PCGF5: variants seen among roughly 807,000 people sequenced by gnomAD.
PCGF5 encodes the protein polycomb group ring finger 5.
In PCGF5, 9 loss-of-function variants were observed where a neutral mutation model predicts 44.3. The ratio of observed to expected loss-of-function variants is 0.20; its 90% CI spans 0.12 to 0.35. The LOEUF (loss-of-function observed/expected upper bound fraction) is 0.35. Ranked by LOEUF, PCGF5 falls within the 10% of genes least tolerant of loss-of-function variation. PCGF5 has a pLI of 1.00. For synonymous variants in PCGF5, 95 were observed against 102.5 expected (o/e 0.93, Z 0.44); for missense variants, 146 against 305.3 (o/e 0.48, Z 3.89).
At position 91,279,711 on chromosome 10, in the gene PCGF5, A is replaced by C. The variant is rs755927624; in HGVS notation, c.*1395A>C. On this transcript the variant is annotated 3_prime_UTR_variant, in exon 10 of 10. Coordinates refer to ENST00000336126, the MANE Select transcript of PCGF5 (RefSeq NM_032373.5). ...CTTTGAAACTTAGGAAAAAATCTTG[A>C]AAGTTAGGAAAAATATTTGAGAAAT... The C allele has an allele frequency of 6.6e-6, 1 of 152,142 alleles. No homozygotes were observed. The highest frequency in any genetic ancestry group is 1.5e-5 in the Non-Finnish European group (1 of 67,946). The allele number at this position is 152,142 out of a possible 1,614,324, so 9.4% of individuals were successfully genotyped here.
At position 91,261,356 on chromosome 10, in the gene PCGF5, A is replaced by G; in HGVS notation, c.505A>G (p.Thr169Ala). The change falls in exon 7 of 10, where the codon ACA (threonine) becomes GCA (alanine). Residue 169 changes from threonine to alanine, a missense_variant. Around this residue, in one of 3 missense-constraint regions of PCGF5, gnomAD observed 123 missense variants for 268.6 expected, o/e 0.46. Transcript: ENST00000336126. The stretch of plus-strand genomic sequence containing the variant: ...AATGAAGAAATTCATTCGATGTTCT[A>G]CACGTGTAACTGTGGGAACTATTAA... ...GLMKKFIRCS[T>A]RVTVGTIKKF... 1.3e-6 allele frequency: 2 copies of G among 1,507,958 alleles called. No individual in the cohort carries two copies. Among genetic ancestry groups the G allele is most frequent in the Non-Finnish European group, 1.8e-6 (2 of 1,115,902 alleles). The allele number at this position is 1,507,958 out of a possible 1,614,324, so 93.4% of individuals were successfully genotyped here. A position where few individuals can be genotyped will look rare whatever the true frequency, so the allele number is the denominator to read the frequency against.
chr10:91,266,758 C>A (rs1025358022), intron 8 of PCGF5, among the ~76,000 whole-genome samples: 2 of 152,182 alleles, frequency 1.3e-5, no homozygotes, highest in Non-Finnish European at 2.9e-5. Context: ...CTGATGTCAG[C>A]ACTGATTGCT....
chr10:91,186,605 T>C (rs12774655), intron 1 of PCGF5, among the ~76,000 whole-genome samples: 15 of 151,028 alleles, frequency 9.9e-5, no homozygotes, highest in East Asian at 1.9e-4. Context: ...TGTGTATATA[T>C]ACACACATAT....
chr10:91,282,945 G>A lies in PCGF5; in HGVS notation c.*4629G>A, dbSNP rs942264863. 5 of 152,338 alleles carry A rather than the reference G, an allele frequency of 3.3e-5. No homozygotes were observed. The highest frequency in any genetic ancestry group is 1.2e-4 in the African/African-American group (5 of 41,442). 9.4% of individuals were successfully genotyped at this position (152,338 alleles called of 1,614,324 possible). A position where few individuals can be genotyped will look rare whatever the true frequency, so the allele number is the denominator to read the frequency against. On this transcript the variant is annotated 3_prime_UTR_variant, in exon 10 of 10. Coordinates refer to ENST00000336126, the MANE Select transcript of PCGF5 (RefSeq NM_032373.5). ...CAGTTTGGGTAGAAATAAGGAACAT[G>A]TCTGCTAGATCTGGTTTATGAAAAA...
chr10:91,244,552 A>G (rs1284473863), intron 3 of PCGF5, among the ~76,000 whole-genome samples: 1 of 152,148 alleles, frequency 6.6e-6, no homozygotes, highest in East Asian at 1.9e-4. Context: ...TGGTTGGAGG[A>G]TTGATCCGAT....
chr10:91,207,719 A>G (rs1844372728), intron 1 of PCGF5, among the ~76,000 whole-genome samples: 1 of 152,194 alleles, frequency 6.6e-6, no homozygotes, highest in South Asian at 2.1e-4. Context: ...GTCTTTCATG[A>G]CATTAATATT....
At chr10:91,264,048 A>T (rs894254249) in intron 7 of PCGF5, among the ~76,000 whole-genome samples, 1 of 152,168 alleles carries the variant, frequency 6.6e-6, no homozygotes, top group African/African-American at 2.4e-5. Context: ...AAGCCAAAGG[A>T]GCTGAGAGGA....
chr10:91,161,159 C>G (rs146683574), upstream of PCGF5, among the ~76,000 whole-genome samples: 1 of 152,238 alleles, frequency 6.6e-6, no homozygotes, highest in Non-Finnish European at 1.5e-5. Context: ...CCGGCTGTCT[C>G]CTCTCTTTGC....
intron 9 of PCGF5, among the ~76,000 whole-genome samples, chr10:91,272,484 T>A (rs1846203084): frequency 6.6e-6 from 1 of 151,954 alleles, no homozygotes; most frequent in African/African-American, 2.4e-5. Context: ...AAAAAATTAT[T>A]TTTTTAGGCC....
intron 9 of PCGF5, among the ~76,000 whole-genome samples, chr10:91,273,696 C>G (rs1408226287): frequency 6.6e-6 from 1 of 151,902 alleles, no homozygotes. Flanking sequence ...TTCCACTTTG[C>G]CATTCTTAAT....
At chr10:91,164,779 C>G (rs1843468324) in intron 1 of PCGF5, among the ~76,000 whole-genome samples, 1 of 152,222 alleles carries the variant, frequency 6.6e-6, no homozygotes, top group African/African-American at 2.4e-5. Flanking sequence ...GCCAGGCCTT[C>G]TTGATCGCCT....
intron 1 of PCGF5, among the ~76,000 whole-genome samples, chr10:91,165,662 G>T (rs1431623251): frequency 6.6e-6 from 1 of 152,174 alleles, no homozygotes; most frequent in Non-Finnish European, 1.5e-5. Context: ...ACTCTGATTT[G>T]TTGTTGTTCA....
intron 1 of PCGF5, among the ~76,000 whole-genome samples, chr10:91,176,503 T>C (rs1843710384): frequency 6.6e-6 from 1 of 152,240 alleles, no homozygotes; most frequent in Non-Finnish European, 1.5e-5. Flanking sequence ...TCCTGCAGAG[T>C]GTTTTCCAAC....
At chr10:91,221,683 T>G (rs1192323990) in intron 1 of PCGF5, among the ~76,000 whole-genome samples, 2 of 151,584 alleles carry the variant, frequency 1.3e-5, no homozygotes, top group East Asian at 3.9e-4. Context: ...AATCAACACC[T>G]TTCATGTTGT....
chr10:91,204,379 T>C (rs568065886), intron 1 of PCGF5, among the ~76,000 whole-genome samples: 1 of 152,266 alleles, frequency 6.6e-6, no homozygotes, highest in South Asian at 2.1e-4. Flanking sequence ...TGTTAGATGA[T>C]TGCACTCAAG....
At chr10:91,167,872 A>G (rs1843527119) in intron 1 of PCGF5, among the ~76,000 whole-genome samples, 1 of 152,206 alleles carries the variant, frequency 6.6e-6, no homozygotes, top group African/African-American at 2.4e-5. Flanking sequence ...GAGGCAGATG[A>G]GTTGGGCAAG....
chr10:91,234,957 T>C (rs1271750070), intron 2 of PCGF5, among the ~76,000 whole-genome samples: 1 of 152,184 alleles, frequency 6.6e-6, no homozygotes, highest in African/African-American at 2.4e-5. Flanking sequence ...TGATCACAAA[T>C]TCTTTAATTA....
intron 9 of PCGF5, among the ~76,000 whole-genome samples, chr10:91,272,250 T>A (rs11186522): frequency 0.13 from 19,871 of 152,188 alleles, 2,433 homozygotes; most frequent in African/African-American, 0.32. Context: ...ATTTTAAAAA[T>A]TTGGGAAACA....
chr10:91,224,685 C>T (rs545689639), intron 2 of PCGF5, among the ~76,000 whole-genome samples: 3 of 152,166 alleles, frequency 2.0e-5, no homozygotes, highest in African/African-American at 7.2e-5. Flanking sequence ...AAATTAAGTA[C>T]AGAGGCCTTG....
Sources: gnomAD v4.1 joint callset for allele counts (sites outside exome capture counted in the v4.1 genomes callset) on GRCh38, gnomAD v4.1.1 for gene constraint, gnomAD v4.1.1 regional missense constraint, MANE v1.5 for transcripts, NCBI Gene and HGNC (gene_info 2026-07-23, HGNC 2026-07-21) for gene names.